The following CHD6 variants were observed in gnomAD, a reference collection of about 807,000 sequenced individuals.
CHD6 encodes ATP-dependent chromatin remodeler CHD6.
A neutral mutation model predicts 276.9 loss-of-function variants in CHD6; 50 were observed. That is an observed-to-expected ratio of 0.18 (90% CI 0.14 to 0.23). The LOEUF is 0.23. CHD6 is among the 10% of genes least tolerant of loss of function. The pLI, the probability that CHD6 is intolerant of heterozygous loss-of-function variation, is 1.00. For missense variants in CHD6, 2,564 were observed against 3,365.8 expected (o/e 0.76, Z 5.89); for synonymous variants, 1,173 against 1,229.3 (o/e 0.95, Z 0.96).
At chr20:41,508,182 A>G (rs1025368059) in intron 5 of CHD6, among the ~76,000 whole-genome samples, 2 of 152,192 alleles carry the variant, frequency 1.3e-5, no homozygotes, top group Non-Finnish European at 2.9e-5. Context: ...GAAAGGTAAG[A>G]TGAAATGAGA....
At chr20:41,414,796 C>T in intron 34 of CHD6, 3 of 1,111,932 alleles carry the variant, frequency 2.7e-6, no homozygotes, top group Non-Finnish European at 3.3e-6. Flanking sequence ...TTCAGGTAGC[C>T]CTGACTCCTG....
At chr20:41,590,818 T>C (rs907791966) in intron 1 of CHD6, among the ~76,000 whole-genome samples, 4 of 151,716 alleles carry the variant, frequency 2.6e-5, no homozygotes, top group African/African-American at 9.7e-5. Context: ...CTCAGGGATC[T>C]AGAACTAGAA....
intron 24 of CHD6, among the ~76,000 whole-genome samples, chr20:41,447,087 G>T (rs2048092312): frequency 6.6e-6 from 1 of 152,204 alleles, no homozygotes; most frequent in South Asian, 2.1e-4. Flanking sequence ...GAGGAGCCTG[G>T]CTCTGATTAC....
rs759799981 is a variant in CHD6, at chr20:41,491,775, G to A, written c.1359C>T (p.Arg453=). The stretch of plus-strand genomic sequence containing the variant: ...GGAGCTGGTTACTGTTCTTATACTC[G>A]CGAGACTTCTCAAGTTTCTGCCAGG... ...SDSWQKLEKS[R]EYKNSNQLRE... Residue 453 remains arginine, a synonymous_variant, in exon 11 of 37, where the codon CGC becomes CGT. Coordinates refer to ENST00000373233, the MANE Select transcript of CHD6 (RefSeq NM_032221.5). 9 of 1,613,718 alleles carry A rather than the reference G, an allele frequency of 5.6e-6. No individual in the cohort carries two copies. The highest frequency in any genetic ancestry group is 4.5e-5 in the East Asian group (2 of 44,846).
At position 41,605,776 on chromosome 20, in the gene CHD6, A is replaced by G. The variant is rs991334405; in HGVS notation, c.-24+12564T>C. ...CTATTAGTAAAATTGACAAAATTTC[A>G]TCTCTATCTACTTTCATTCCTAAAG... On this transcript the variant is annotated intron_variant, in intron 1 of 36. Coordinates refer to ENST00000373233, the MANE Select transcript of CHD6 (RefSeq NM_032221.5). Among the ~76,000 whole-genome samples, 18 of 146,848 alleles carry G rather than the reference A, an allele frequency of 1.2e-4. No homozygotes were observed. The East Asian group carries it at 3.2e-3, about 27-fold the overall frequency.
At chr20:41,585,037 TA>T (rs1327081362) in intron 1 of CHD6, among the ~76,000 whole-genome samples, 1 of 151,222 alleles carries the variant, frequency 6.6e-6, no homozygotes, top group Admixed American at 6.6e-5. Context: ...AATGATCAAG[TA>T]AAAAAAGGAA....
At chr20:41,439,758 T>C (rs1407563398) in intron 26 of CHD6, among the ~76,000 whole-genome samples, 1 of 152,178 alleles carries the variant, frequency 6.6e-6, no homozygotes, top group Non-Finnish European at 1.5e-5. Context: ...GTGGGCAGCC[T>C]GGGAAACTCA....
chr20:41,465,186 A>T (rs1305571242), intron 17 of CHD6, among the ~76,000 whole-genome samples: 2 of 152,238 alleles, frequency 1.3e-5, no homozygotes, highest in Non-Finnish European at 2.9e-5. Context: ...AACAGGATAG[A>T]GTCTCAAAAT....
At chr20:41,552,240 C>T (rs940654785) in intron 1 of CHD6, among the ~76,000 whole-genome samples, 11 of 152,196 alleles carry the variant, frequency 7.2e-5, no homozygotes, top group Non-Finnish European at 1.6e-4. Context: ...AATATAAACA[C>T]TGCTTCCTAT....
At position 41,403,971 on chromosome 20, in the gene CHD6, C is replaced by T; in HGVS notation, c.*622G>A. The T allele has an allele frequency of 9.5e-7, 1 of 1,054,170 alleles. No individual in the cohort carries two copies. Among genetic ancestry groups the T allele is most frequent in the Non-Finnish European group, 1.1e-6 (1 of 872,320 alleles). 65.3% of individuals were successfully genotyped at this position (1,054,170 alleles called of 1,614,324 possible). A position where few individuals can be genotyped will look rare whatever the true frequency, so the allele number is the denominator to read the frequency against. On this transcript the variant is annotated 3_prime_UTR_variant, in exon 37 of 37. Coordinates refer to ENST00000373233, the MANE Select transcript of CHD6 (RefSeq NM_032221.5). ...CTTCTTGCTGCAGGTGTCTGAAAAACCACCAAGGGGGAAATTATATTACTA... is the reference window on the plus strand; with the variant it reads ...CTTCTTGCTGCAGGTGTCTGAAAAATCACCAAGGGGGAAATTATATTACTA...
intron 3 of CHD6, among the ~76,000 whole-genome samples, chr20:41,519,650 C>T (rs1211829174): frequency 2.0e-5 from 3 of 152,124 alleles, no homozygotes; most frequent in African/African-American, 7.2e-5. Context: ...GGATCCCTTC[C>T]TTACACCTTA....
chr20:41,529,752 C>T (rs2044635151), intron 3 of CHD6, among the ~76,000 whole-genome samples: 1 of 151,960 alleles, frequency 6.6e-6, no homozygotes, highest in Non-Finnish European at 1.5e-5. Context: ...TGTCAGACCC[C>T]AGAGGGTCTG....
chr20:41,497,131 C>T (rs766405439), intron 8 of CHD6: 3 of 427,034 alleles, frequency 7.0e-6, no homozygotes, highest in Non-Finnish European at 1.3e-5. Context: ...CTCACTCTAG[C>T]TATTTATTAG....
Position 41,522,655 on chromosome 20 carries a change from C to T in CHD6, c.555-7703G>A, listed in dbSNP as rs185730358. Among the ~76,000 whole-genome samples, 6 of 151,748 alleles carry T rather than the reference C, an allele frequency of 4.0e-5. No individual in the cohort carries two copies. In the East Asian group the frequency reaches 5.8e-4, roughly 15 times the overall value. ...TTCAGGAAACATGCGCGCACGCGTG[C>T]GCGCACACACACATACATAAATAGA... On this transcript the variant is annotated intron_variant, in intron 3 of 36. Coordinates refer to ENST00000373233, the MANE Select transcript of CHD6 (RefSeq NM_032221.5).
chr20:41,516,977 C>G (rs1340732496), intron 3 of CHD6, among the ~76,000 whole-genome samples: 1 of 152,148 alleles, frequency 6.6e-6, no homozygotes, highest in East Asian at 1.9e-4. Context: ...TGACCTGGCT[C>G]AGAGGGGTGA....
At chr20:41,503,941 A>T (rs2043903663) in intron 5 of CHD6, among the ~76,000 whole-genome samples, 1 of 151,718 alleles carries the variant, frequency 6.6e-6, no homozygotes, top group East Asian at 1.9e-4. Context: ...AGCTGGGCAT[A>T]GTGGCGCACA....
intron 27 of CHD6, among the ~76,000 whole-genome samples, chr20:41,429,048 T>C (rs1157408858): frequency 6.6e-6 from 1 of 152,206 alleles, no homozygotes; most frequent in Non-Finnish European, 1.5e-5. Flanking sequence ...TTCTTGGCCA[T>C]GACTTCATCC....
chr20:41,514,864 C>T lies in CHD6; in HGVS notation c.643G>A (p.Gly215Ser), dbSNP rs141166557. The change falls in exon 4 of 37, where the codon GGC (glycine) becomes AGC (serine). Residue 215 changes from glycine (G) to serine (S), a missense_variant. Physicochemically the swap from Gly to Ser is moderately conservative, Grantham distance 56. Around this residue, in one of 7 missense-constraint regions of CHD6, gnomAD observed 286 missense variants for 297.8 expected, o/e 0.96. Coordinates refer to ENST00000373233, the MANE Select transcript of CHD6 (RefSeq NM_032221.5). ...TTVESLELDQ[G>S]LTNPSLRSPE... ...CTCCGCAGAGATGGGTTCGTCAGGCCCTGATCCAGCTCTAAACTCTCCACT... is the reference window on the plus strand; with the variant it reads ...CTCCGCAGAGATGGGTTCGTCAGGCTCTGATCCAGCTCTAAACTCTCCACT... 1 of 1,613,908 alleles carries T rather than the reference C, an allele frequency of 6.2e-7. No homozygotes were observed. Among genetic ancestry groups the T allele is most frequent in the Non-Finnish European group, 8.5e-7 (1 of 1,179,982 alleles).
intron 25 of CHD6, among the ~76,000 whole-genome samples, chr20:41,445,403 C>A (rs990325409): frequency 2.0e-5 from 3 of 152,110 alleles, no homozygotes; most frequent in Non-Finnish European, 4.4e-5. Context: ...CATGGACAGG[C>A]GAGGGAGGAA....
Sources: allele counts gnomAD v4.1 joint callset (sites outside exome capture counted in the v4.1 genomes callset), GRCh38; gene constraint gnomAD v4.1.1; regional missense constraint gnomAD v4.1.1; transcripts MANE v1.5; gene names NCBI Gene and HGNC (gene_info 2026-07-23, HGNC 2026-07-21).